The following GBE1 variants were observed in gnomAD, a reference collection of about 807,000 sequenced individuals.
GBE1 encodes the protein 1,4-alpha-glucan branching enzyme 1, also known as 1,4-alpha-glucan-branching enzyme.
Under a neutral mutation model 88.8 loss-of-function variants are expected in GBE1, and 70 were observed. That is an observed-to-expected ratio of 0.79 (90% CI 0.65 to 0.96). The LOEUF (loss-of-function observed/expected upper bound fraction) is 0.96, where lower values mean the gene tolerates loss of function less well. GBE1 is among the 40% of genes least tolerant of loss of function. The pLI is 0.00. For synonymous variants in GBE1, 284 were observed against 300.1 expected, an observed-to-expected ratio of 0.95 and a Z score of 0.56; for missense variants, 872 against 871.0, an observed-to-expected ratio of 1.00 and a Z score of -0.01.
intron 14 of GBE1, among the ~76,000 whole-genome samples, chr3:81,517,314 T>C (rs1702809860): frequency 6.6e-6 from 1 of 151,570 alleles, no homozygotes; most frequent in Admixed American, 6.6e-5. Flanking sequence ...GCATACAGTA[T>C]TTTTAAATTA....
chr3:81,741,993 G>A (rs1706356280), intron 1 of GBE1, among the ~76,000 whole-genome samples: 2 of 151,466 alleles, frequency 1.3e-5, no homozygotes, highest in African/African-American at 2.4e-5. Flanking sequence ...CTACCTCAAT[G>A]TAAACCAGTA....
intron 5 of GBE1, among the ~76,000 whole-genome samples, chr3:81,646,936 C>T (rs1011114395): frequency 6.6e-6 from 1 of 150,936 alleles, no homozygotes; most frequent in Non-Finnish European, 1.5e-5. Flanking sequence ...AGCACCAAAC[C>T]CTTATTTTCC....
Position 81,740,823 on chromosome 3 carries a change from T to A in GBE1, c.143+20552A>T, listed in dbSNP as rs150772884. 5.8e-3 allele frequency among the ~76,000 whole-genome samples: 872 copies of A among 151,604 alleles called. 5 individuals carry two copies. Among genetic ancestry groups the A allele is most frequent in the Non-Finnish European group, 8.8e-3 (600 of 67,866 alleles). On this transcript the variant is annotated intron_variant, in intron 1 of 15. Transcript: ENST00000429644. The stretch of plus-strand genomic sequence containing the variant: ...TAAAATCAAATTTTGTCTAAAAGAA[T>A]CCATCACAAACATTAAAAGCTAAAA...
chr3:81,750,153 C>A (rs1706476952), intron 1 of GBE1, among the ~76,000 whole-genome samples: 1 of 151,962 alleles, frequency 6.6e-6, no homozygotes, highest in Non-Finnish European at 1.5e-5. Flanking sequence ...AGGCAAAAAG[C>A]AAACAGGTAA....
intron 1 of GBE1, among the ~76,000 whole-genome samples, chr3:81,714,270 G>C (rs1705910517): frequency 6.6e-6 from 1 of 152,060 alleles, no homozygotes; most frequent in African/African-American, 2.4e-5. Context: ...GTGAGAAAAT[G>C]GTTAGAGTTA....
At chr3:81,670,204 G>A (rs911032647) in intron 3 of GBE1, among the ~76,000 whole-genome samples, 2 of 152,176 alleles carry the variant, frequency 1.3e-5, no homozygotes, top group Non-Finnish European at 2.9e-5. Context: ...GACAAGAGCA[G>A]CCGACTCTAA....
In GBE1 at chr3:81,711,523, T is replaced by C. The variant is rs368778520; in HGVS notation, c.144-5910A>G. 2.6e-5 allele frequency among the ~76,000 whole-genome samples: 4 copies of C among 152,194 alleles called. No individual in the cohort carries two copies. In the East Asian group the frequency reaches 5.8e-4, roughly 22 times the overall value. ...AGATGGTTGTAGATGTGTAGTATTA[T>C]TTCTGAGGGCTCTGTTCTGTTCCAT... is the stretch of plus-strand genomic sequence containing the variant. On this transcript the variant is annotated intron_variant, in intron 1 of 15. Transcript: ENST00000429644.
intron 14 of GBE1, among the ~76,000 whole-genome samples, chr3:81,504,302 C>T (rs1194783106): frequency 6.6e-6 from 1 of 151,042 alleles, no homozygotes; most frequent in Non-Finnish European, 1.5e-5. Flanking sequence ...ATCTAAATTA[C>T]TGACATAATT....
chr3:81,648,458 C>T (rs1020565486), intron 5 of GBE1, among the ~76,000 whole-genome samples: 1 of 151,948 alleles, frequency 6.6e-6, no homozygotes, highest in Admixed American at 6.6e-5. Flanking sequence ...ATAACTGATA[C>T]AAAATGAGTT....
intron 7 of GBE1, among the ~76,000 whole-genome samples, chr3:81,617,617 T>G (rs1264502120): frequency 3.3e-5 from 5 of 152,026 alleles, no homozygotes; most frequent in Admixed American, 3.3e-4. Context: ...TGAATTGTAT[T>G]TGCTAATATC....
At chr3:81,498,322 T>A (rs1021347809) in intron 15 of GBE1, among the ~76,000 whole-genome samples, 4 of 151,890 alleles carry the variant, frequency 2.6e-5, no homozygotes, top group Non-Finnish European at 4.4e-5. Flanking sequence ...CTTTGAAAAG[T>A]GAGAGAATTT....
intron 15 of GBE1, among the ~76,000 whole-genome samples, chr3:81,493,554 A>G (rs2106801579): frequency 6.6e-6 from 1 of 150,828 alleles, no homozygotes; most frequent in Non-Finnish European, 1.5e-5. Flanking sequence ...TCTTTTTAGA[A>G]GGAGTTTCGC....
intron 7 of GBE1, among the ~76,000 whole-genome samples, chr3:81,618,434 G>A (rs986062927): frequency 6.6e-6 from 1 of 152,020 alleles, no homozygotes; most frequent in African/African-American, 2.4e-5. Context: ...TGAAAAAACT[G>A]TAGAGAAGTG....
At chr3:81,599,618 A>T (rs1280869463) in intron 7 of GBE1, among the ~76,000 whole-genome samples, 1 of 152,190 alleles carries the variant, frequency 6.6e-6, no homozygotes, top group Non-Finnish European at 1.5e-5. Flanking sequence ...GTACAGTAAA[A>T]CACAGTATTA....
chr3:81,687,978 C>T (rs981864271), intron 2 of GBE1, among the ~76,000 whole-genome samples: 1 of 152,206 alleles, frequency 6.6e-6, no homozygotes, highest in Non-Finnish European at 1.5e-5. Flanking sequence ...AAATTCTGCT[C>T]ATCACTCACC....
At chr3:81,709,357 C>T (rs1249415914) in intron 1 of GBE1, among the ~76,000 whole-genome samples, 1 of 151,920 alleles carries the variant, frequency 6.6e-6, no homozygotes, top group Non-Finnish European at 1.5e-5. Context: ...GTCATCTATA[C>T]TTCTTGGAAT....
chr3:81,528,367 A>G (rs1440953134), intron 14 of GBE1, among the ~76,000 whole-genome samples: 2 of 152,106 alleles, frequency 1.3e-5, no homozygotes, highest in Non-Finnish European at 1.5e-5. Flanking sequence ...CTAAACTTAA[A>G]GTATAATTTT....
At position 81,591,026 on chromosome 3, in the gene GBE1, T is replaced by C. The variant is rs1703870525; in HGVS notation, c.1236+11A>G. The C allele has an allele frequency of 1.9e-6, 3 of 1,603,696 alleles. No individual in the cohort carries two copies. The highest frequency in any genetic ancestry group is 4.5e-5 in the East Asian group (2 of 44,614). On this transcript the variant is annotated intron_variant, in intron 9 of 15. Coordinates refer to ENST00000429644, the MANE Select transcript of GBE1 (RefSeq NM_000158.4). Reference sequence around the variant, plus strand: ...AGGGGGTCAGAAGGTAAGACTTCACTATGGCTTTACCTCAGCTATTGTTAT... The same window carrying C: ...AGGGGGTCAGAAGGTAAGACTTCACCATGGCTTTACCTCAGCTATTGTTAT...
chr3:81,517,436 C>T (rs900652587), intron 14 of GBE1, among the ~76,000 whole-genome samples: 5 of 151,342 alleles, frequency 3.3e-5, no homozygotes, highest in African/African-American at 1.2e-4. Flanking sequence ...GTGTGACTTG[C>T]TATATTGCAA....
Sources: allele counts gnomAD v4.1 joint callset (sites outside exome capture counted in the v4.1 genomes callset), GRCh38; gene constraint gnomAD v4.1.1; transcripts MANE v1.5; gene names NCBI Gene and HGNC (gene_info 2026-07-23, HGNC 2026-07-21).